ENTREP2: variants seen among roughly 807,000 people sequenced by gnomAD.
ENTREP2 encodes the protein protein ENTREP2.
chr15:29,474,640 C>T, the ENTREP2 span, among the ~76,000 whole-genome samples: 6 of 152,068 alleles, frequency 3.9e-5, no homozygotes, highest in Non-Finnish European at 7.4e-5. Flanking sequence ...TGGCAACCTC[C>T]GCCTCCCGGG....
At chr15:29,186,533 C>T in the ENTREP2 span, among the ~76,000 whole-genome samples, 63 of 152,296 alleles carry the variant, frequency 4.1e-4, no homozygotes, top group African/African-American at 1.4e-3. Flanking sequence ...GTTTGCACAG[C>T]ACATTGCATT....
At chr15:29,654,604 G>A in the ENTREP2 span, among the ~76,000 whole-genome samples, 1 of 152,098 alleles carries the variant, frequency 6.6e-6, no homozygotes, top group Non-Finnish European at 1.5e-5. Flanking sequence ...TCTACTTGGA[G>A]GAATTAGAGA....
chr15:29,596,821 G>C, the ENTREP2 span, among the ~76,000 whole-genome samples: 2 of 151,846 alleles, frequency 1.3e-5, no homozygotes, highest in Admixed American at 1.3e-4. Flanking sequence ...GGCGCCCGCT[G>C]CCATGCCCAG....
At chr15:29,412,406 G>A in the ENTREP2 span, among the ~76,000 whole-genome samples, 1 of 151,454 alleles carries the variant, frequency 6.6e-6, no homozygotes, top group African/African-American at 2.4e-5. Context: ...TTGATTTTTG[G>A]TATATTAACC....
the ENTREP2 span, among the ~76,000 whole-genome samples, chr15:29,356,205 G>GA: frequency 3.0e-5 from 4 of 131,308 alleles, no homozygotes; most frequent in Admixed American, 3.4e-4. Context: ...GGATACTTTT[G>GA]AAAAATCAAC....
the ENTREP2 span, among the ~76,000 whole-genome samples, chr15:29,271,334 A>C: frequency 6.6e-6 from 1 of 152,244 alleles, no homozygotes; most frequent in African/African-American, 2.4e-5. Flanking sequence ...CCTGCCATCT[A>C]GAATTCTGCA....
chr15:29,574,383 T>G, the ENTREP2 span, among the ~76,000 whole-genome samples: 1 of 152,186 alleles, frequency 6.6e-6, no homozygotes, highest in Non-Finnish European at 1.5e-5. Context: ...AACCTCCACC[T>G]CCTGAGTTCA....
At chr15:29,648,564 G>A in the ENTREP2 span, among the ~76,000 whole-genome samples, 2 of 152,328 alleles carry the variant, frequency 1.3e-5, no homozygotes, top group African/African-American at 4.8e-5. Flanking sequence ...TCTAGTTGAT[G>A]TTCTCCTAGA....
At chr15:29,363,056 A>G in the ENTREP2 span, among the ~76,000 whole-genome samples, 1 of 152,180 alleles carries the variant, frequency 6.6e-6, no homozygotes, top group Non-Finnish European at 1.5e-5. Context: ...AAAATTCTGC[A>G]TTGTTTTAAG....
the ENTREP2 span, among the ~76,000 whole-genome samples, chr15:29,134,264 G>A: frequency 6.6e-6 from 1 of 152,238 alleles, no homozygotes; most frequent in Non-Finnish European, 1.5e-5. Flanking sequence ...ATTACTGCCA[G>A]TTCAGGAATG....
the ENTREP2 span, among the ~76,000 whole-genome samples, chr15:29,159,163 T>C: frequency 6.6e-6 from 1 of 151,954 alleles, no homozygotes. Flanking sequence ...GTCTGTTCGT[T>C]CTGATGTGTT....
the ENTREP2 span, among the ~76,000 whole-genome samples, chr15:29,567,719 T>G: frequency 6.6e-6 from 1 of 152,178 alleles, no homozygotes; most frequent in African/African-American, 2.4e-5. Context: ...AACAGGCTAT[T>G]ACACACACAA....
the ENTREP2 span, among the ~76,000 whole-genome samples, chr15:29,386,674 T>C: frequency 4.6e-5 from 7 of 151,764 alleles, no homozygotes; most frequent in African/African-American, 1.7e-4. Context: ...CTCTGGGAGG[T>C]GATTAGGATT....
chr15:29,243,587 A>C, the ENTREP2 span, among the ~76,000 whole-genome samples: 1,043 of 152,282 alleles, frequency 6.8e-3, 8 homozygotes, highest in African/African-American at 0.024. Context: ...AAAAACATAC[A>C]TAGTCAACCC....
chr15:29,260,874 A>T, the ENTREP2 span, among the ~76,000 whole-genome samples: 1 of 152,244 alleles, frequency 6.6e-6, no homozygotes, highest in Non-Finnish European at 1.5e-5. Context: ...AAGCATTATT[A>T]GGAATAAAGA....
At chr15:29,418,081 C>G in the ENTREP2 span, among the ~76,000 whole-genome samples, 4 of 152,180 alleles carry the variant, frequency 2.6e-5, no homozygotes. Flanking sequence ...TAAAGACCCA[C>G]TATCATGGAG....
At chr15:29,540,370 C>T in the ENTREP2 span, among the ~76,000 whole-genome samples, 1 of 151,884 alleles carries the variant, frequency 6.6e-6, no homozygotes, top group Admixed American at 6.6e-5. Flanking sequence ...ATGATTATAC[C>T]CCATAAATAT....
At chr15:29,416,734 T>C in the ENTREP2 span, among the ~76,000 whole-genome samples, 2 of 152,086 alleles carry the variant, frequency 1.3e-5, no homozygotes, top group African/African-American at 2.4e-5. Context: ...GAGAAAATTT[T>C]TGCAATCTAC....
At chr15:29,175,810 G>A in the ENTREP2 span, among the ~76,000 whole-genome samples, 5 of 152,228 alleles carry the variant, frequency 3.3e-5, no homozygotes, top group Non-Finnish European at 1.5e-5. Flanking sequence ...GTTTCACCAT[G>A]TTGGTCAGGC....
Sources: gnomAD v4.1 joint callset for allele counts (sites outside exome capture counted in the v4.1 genomes callset) on GRCh38, gnomAD v4.1.1 for gene constraint, MANE v1.5 for transcripts, NCBI Gene and HGNC (gene_info 2026-07-23, HGNC 2026-07-21) for gene names.